ZNF215: variants seen among roughly 807,000 people sequenced by gnomAD.
ZNF215 encodes zinc finger protein 215, also known as BWSCR2-associated zinc finger protein 2.
A neutral mutation model predicts 27.2 loss-of-function variants in ZNF215; 24 were observed. The observed-to-expected ratio is 0.88, with a 90% CI of 0.64 to 1.24. The LOEUF is 1.24. Among genes scored for constraint, ZNF215 ranks in the 50% most tolerant of loss-of-function variants. The probability of loss-of-function intolerance (pLI) is 0.00; values close to 1 mark genes in which losing one functional copy is unlikely to be tolerated. For missense variants in ZNF215, 675 were observed against 605.7 expected (o/e 1.11, Z -1.20); for synonymous variants, 210 against 204.0 (o/e 1.03, Z -0.25).
intron 5 of ZNF215, among the ~76,000 whole-genome samples, chr11:6,969,140 G>A (rs1290370344): frequency 1.3e-5 from 2 of 152,092 alleles, no homozygotes; most frequent in Non-Finnish European, 2.9e-5. Context: ...AATCCAAAAT[G>A]TGAATTTATT....
downstream of ZNF215, among the ~76,000 whole-genome samples, chr11:6,987,165 AT>A (rs1851066773): frequency 6.6e-6 from 1 of 152,222 alleles, no homozygotes; most frequent in Non-Finnish European, 1.5e-5. Flanking sequence ...AATGTGGTAC[AT>A]ATATTCCAAG....
chr11:6,955,991 AACTT>A lies in ZNF215; in HGVS notation c.1019_1022del (p.Tyr340SerfsTer5). 4.3e-6 allele frequency: 7 copies of A among 1,612,442 alleles called. No homozygotes were observed. The highest frequency in any genetic ancestry group is 5.9e-6 in the Non-Finnish European group (7 of 1,179,596). The stretch of plus-strand genomic sequence containing the variant: ...GGTCTCCAAAATGTGATAAGTTTAA[AACTT>A]ACTTCAAATTTAATTTAGACTCAGT... On this transcript the variant is annotated frameshift_variant, in exon 7 of 7. Coordinates refer to ENST00000278319, the MANE Select transcript of ZNF215 (RefSeq NM_013250.4). LOFTEE classifies it low-confidence loss of function (END_TRUNC).
At chr11:6,931,655 C>T (rs1849270241) in intron 2 of ZNF215, among the ~76,000 whole-genome samples, 2 of 152,030 alleles carry the variant, frequency 1.3e-5, no homozygotes, top group African/African-American at 4.8e-5. Context: ...TGTCTCTTAC[C>T]TTAATTTCTA....
chr11:6,932,319 T>C lies in ZNF215; in HGVS notation c.47T>C (p.Leu16Pro), dbSNP rs1329054196. The C allele has an allele frequency of 1.9e-6, 3 of 1,614,018 alleles. No homozygotes were observed. The African/African-American group carries it at 4.0e-5, about 22-fold the overall frequency. The change falls in exon 3 of 7, where the codon CTG (leucine) becomes CCG (proline). Residue 16 changes from leucine to proline, a missense_variant. Leu to Pro is a moderately conservative substitution (Grantham distance 98, BLOSUM62 -3). Transcript: ENST00000278319. ...ATGGCTATCTCAAAACCTCGAAACC[T>C]GTCTCTACGTGAACAAAGAGAGGTT... is the stretch of plus-strand genomic sequence containing the variant. ...KLMAISKPRNLSLREQREVLR... is the reference protein window; with the variant it reads ...KLMAISKPRNPSLREQREVLR...
intron 3 of ZNF215, among the ~76,000 whole-genome samples, chr11:6,940,787 CTTT>C (rs910951641): frequency 6.6e-6 from 1 of 152,144 alleles, no homozygotes; most frequent in African/African-American, 2.4e-5. Context: ...TTTGCCAACT[CTTT>C]TTAAGTAAAA....
At chr11:6,946,980 T>C (rs980903281) in intron 6 of ZNF215, among the ~76,000 whole-genome samples, 1 of 152,226 alleles carries the variant, frequency 6.6e-6, no homozygotes, top group African/African-American at 2.4e-5. Context: ...TGTATTAACA[T>C]CTTATTTAAA....
rs1007920579 is a variant in ZNF215, at chr11:6,957,117, A to G, written c.*586A>G. The G allele has an allele frequency of 3.0e-6, 3 of 985,452 alleles. No individual in the cohort carries two copies. The highest frequency in any genetic ancestry group is 3.6e-6 in the Non-Finnish European group (3 of 829,914). 61.0% of individuals were successfully genotyped at this position (985,452 alleles called of 1,614,324 possible). On this transcript the variant is annotated 3_prime_UTR_variant, in exon 7 of 7. Coordinates refer to ENST00000278319, the MANE Select transcript of ZNF215 (RefSeq NM_013250.4). Reference sequence around the variant, plus strand: ...AGTTGGGAAAGGGTTATCAACTGCAATGGGAGAAGTATGTATTGCTGTTAA... The same window carrying G: ...AGTTGGGAAAGGGTTATCAACTGCAGTGGGAGAAGTATGTATTGCTGTTAA...
chr11:6,975,635 T>C (rs1380258164), intron 5 of ZNF215, among the ~76,000 whole-genome samples: 1 of 152,030 alleles, frequency 6.6e-6, no homozygotes, highest in Non-Finnish European at 1.5e-5. Context: ...CGTCTTTCTG[T>C]CTTAGATCTC....
intron 5 of ZNF215, among the ~76,000 whole-genome samples, chr11:6,971,774 A>G (rs1464208235): frequency 6.6e-6 from 1 of 152,156 alleles, no homozygotes; most frequent in African/African-American, 2.4e-5. Context: ...GTTAAAATTT[A>G]TCATCGAAAC....
At chr11:6,991,361 C>T (rs1399081660), downstream of ZNF215, among the ~76,000 whole-genome samples, 1 of 152,222 alleles carries the variant, frequency 6.6e-6, no homozygotes, top group Non-Finnish European at 1.5e-5. Context: ...GACACCCTCC[C>T]TGCCTCTGGT....
chr11:6,985,934 AT>A (rs1851048973), downstream of ZNF215, among the ~76,000 whole-genome samples: 1 of 152,166 alleles, frequency 6.6e-6, no homozygotes, highest in Admixed American at 6.5e-5. Context: ...AATCAATATT[AT>A]TTAAATGGCC....
intron 6 of ZNF215, among the ~76,000 whole-genome samples, chr11:6,951,241 G>C (rs1433226703): frequency 4.6e-5 from 7 of 152,042 alleles, no homozygotes; most frequent in Non-Finnish European, 1.0e-4. Flanking sequence ...GATGATGCTG[G>C]CCTCATAAAA....
At chr11:6,992,965 A>G (rs185049645), downstream of ZNF215, among the ~76,000 whole-genome samples, 1 of 152,362 alleles carries the variant, frequency 6.6e-6, no homozygotes, top group Non-Finnish European at 1.5e-5. Context: ...ATAAACTCCT[A>G]TGATGGCAGA....
chr11:6,930,644 T>C (rs1489256597), intron 2 of ZNF215, among the ~76,000 whole-genome samples: 1 of 152,258 alleles, frequency 6.6e-6, no homozygotes, highest in Non-Finnish European at 1.5e-5. Context: ...CACAAACTTT[T>C]GGCCAATATG....
Position 6,929,363 on chromosome 11 carries a change from A to G in ZNF215, c.-180+1556A>G, listed in dbSNP as rs372665131. On this transcript the variant is annotated intron_variant, in intron 2 of 6. Coordinates refer to ENST00000278319, the MANE Select transcript of ZNF215 (RefSeq NM_013250.4). ...TTAGTATAGAACATTTCTTACAATT[A>G]ATAATACTACATTAACTAAAGTCCA... Among the ~76,000 whole-genome samples the G allele has an allele frequency of 2.6e-5, 4 of 152,358 alleles. No homozygotes were observed. The East Asian group carries it at 7.7e-4, about 29-fold the overall frequency.
intron 5 of ZNF215, among the ~76,000 whole-genome samples, chr11:6,979,967 A>G (rs1343382114): frequency 1.3e-5 from 2 of 152,108 alleles, no homozygotes; most frequent in Admixed American, 6.6e-5. Flanking sequence ...TAACCTAGAA[A>G]ATTGTCAATT....
chr11:6,947,519 C>G (rs149251691), intron 6 of ZNF215, among the ~76,000 whole-genome samples: 182 of 152,050 alleles, frequency 1.2e-3, no homozygotes, highest in African/African-American at 3.5e-3. Flanking sequence ...CCATCCTGGG[C>G]AACAGCAAGA....
At chr11:6,983,956 A>C (rs1235747092) in intron 5 of ZNF215, among the ~76,000 whole-genome samples, 1 of 151,960 alleles carries the variant, frequency 6.6e-6, no homozygotes, top group Admixed American at 6.5e-5. Context: ...GTTTAACACC[A>C]ATACAGTATT....
intron 5 of ZNF215, among the ~76,000 whole-genome samples, chr11:6,980,106 G>C (rs1464775672): frequency 2.0e-5 from 3 of 152,160 alleles, no homozygotes; most frequent in South Asian, 2.1e-4. Context: ...GAAGCATTAA[G>C]TTCCTTTGTC....
Sources: gnomAD v4.1 joint callset for allele counts (sites outside exome capture counted in the v4.1 genomes callset) on GRCh38, gnomAD v4.1.1 for gene constraint, MANE v1.5 for transcripts, NCBI Gene and HGNC (gene_info 2026-07-23, HGNC 2026-07-21) for gene names.